The following NKAIN3 variants were observed in gnomAD, a reference collection of about 807,000 sequenced individuals.
NKAIN3 encodes the protein sodium/potassium-transporting ATPase subunit beta-1-interacting protein 3.
In NKAIN3, 25 loss-of-function variants were observed where a neutral mutation model predicts 30.2. The observed-to-expected ratio is 0.83, with a 90% CI of 0.60 to 1.16. The LOEUF is 1.16. Among genes scored for constraint, NKAIN3 ranks in the 50% most tolerant of loss-of-function variants. The pLI, the probability that NKAIN3 is intolerant of heterozygous loss-of-function variation, is 0.00. For synonymous variants in NKAIN3, 91 were observed against 89.6 expected (o/e 1.02, Z -0.09); for missense variants, 225 against 254.1 (o/e 0.89, Z 0.78).
intron 4 of NKAIN3, among the ~76,000 whole-genome samples, chr8:62,789,191 T>A (rs1817625518): frequency 6.6e-6 from 1 of 152,182 alleles, no homozygotes; most frequent in South Asian, 2.1e-4. Context: ...CATTTGTTTG[T>A]ATCCTCTTTT....
At chr8:62,407,160 G>GA (rs1025237168) in intron 1 of NKAIN3, among the ~76,000 whole-genome samples, 1 of 150,820 alleles carries the variant, frequency 6.6e-6, no homozygotes, top group African/African-American at 2.4e-5. Context: ...TATTAACAAA[G>GA]AAAAAAACTC....
At chr8:62,451,069 CT>C (rs1585822313) in intron 1 of NKAIN3, among the ~76,000 whole-genome samples, 1 of 152,016 alleles carries the variant, frequency 6.6e-6, no homozygotes, top group Non-Finnish European at 1.5e-5. Context: ...CTATAATTAT[CT>C]TTTTTATTAT....
At chr8:62,456,699 C>T (rs1805831398) in intron 1 of NKAIN3, among the ~76,000 whole-genome samples, 1 of 152,162 alleles carries the variant, frequency 6.6e-6, no homozygotes, top group Admixed American at 6.5e-5. Flanking sequence ...CCAGCTGTTG[C>T]TGTGAACTGA....
chr8:62,318,129 G>A lies in NKAIN3; in HGVS notation c.54+69002G>A, dbSNP rs142394066. Among the ~76,000 whole-genome samples, 878 of 152,278 alleles carry A rather than the reference G, an allele frequency of 5.8e-3. 5 individuals are homozygous for A. The highest frequency in any genetic ancestry group is 0.02 in the African/African-American group (826 of 41,538). On this transcript the variant is annotated intron_variant, in intron 1 of 6. Transcript: ENST00000623646. ...TTGTGATTTTTTGCACATTGATTTT[G>A]TATCCTGTGACTTTGCTGAAGTTGC...
At chr8:62,741,378 G>GGAAGGAAGGAAA (rs1256875072) in intron 3 of NKAIN3, among the ~76,000 whole-genome samples, 88 of 134,902 alleles carry the variant, frequency 6.5e-4, no homozygotes, top group African/African-American at 2.5e-3. Context: ...AAGGAAGGAA[G>GGAAGGAAGGAAA]GAAGGAAGGA....
At chr8:62,406,268 A>G (rs1804062070) in intron 1 of NKAIN3, among the ~76,000 whole-genome samples, 1 of 152,190 alleles carries the variant, frequency 6.6e-6, no homozygotes, top group Admixed American at 6.5e-5. Context: ...TATGCTTTCA[A>G]TGTCTTAAAA....
rs550479186 is a variant in NKAIN3 at position 62,467,898 on chromosome 8, A to G, written c.55-111641A>G. Among the ~76,000 whole-genome samples, 6 of 152,164 alleles carry G rather than the reference A, an allele frequency of 3.9e-5. No individual in the cohort carries two copies. In the South Asian group the frequency reaches 1.0e-3, roughly 26 times the overall value. ...ATCCTCCCACCTCAGCCTCTCAAGC[A>G]GCTGGGGACTGCAATTGCACACCAC... On this transcript the variant is annotated intron_variant, in intron 1 of 6. Transcript: ENST00000623646.
chr8:62,845,286 T>TATATATATATATATATA (rs1563589772), intron 4 of NKAIN3, among the ~76,000 whole-genome samples: 1 of 33,906 alleles, frequency 2.9e-5, no homozygotes, highest in Non-Finnish European at 5.9e-5. Flanking sequence ...GATAGTAGAT[T>TATATATATATATATATA]ATATATATAT....
intron 1 of NKAIN3, among the ~76,000 whole-genome samples, chr8:62,441,170 T>C (rs543369389): frequency 6.6e-6 from 1 of 152,278 alleles, no homozygotes; most frequent in East Asian, 1.9e-4. Flanking sequence ...CTAAGCTTTT[T>C]ATTATTTTTA....
intron 1 of NKAIN3, among the ~76,000 whole-genome samples, chr8:62,352,860 T>C (rs368647384): frequency 6.6e-6 from 1 of 152,236 alleles, no homozygotes; most frequent in African/African-American, 2.4e-5. Context: ...TAGGCAGTGA[T>C]TGGAAGAAAT....
chr8:62,522,907 A>G (rs1297188447), intron 1 of NKAIN3, among the ~76,000 whole-genome samples: 1 of 152,130 alleles, frequency 6.6e-6, no homozygotes, highest in Non-Finnish European at 1.5e-5. Context: ...AGGTTAACTT[A>G]TTACTGAAGA....
chr8:62,682,142 G>T (rs1356437230), intron 3 of NKAIN3, among the ~76,000 whole-genome samples: 1 of 152,108 alleles, frequency 6.6e-6, no homozygotes, highest in African/African-American at 2.4e-5. Context: ...CGGAGAGACA[G>T]CCCAAATACT....
chr8:62,654,087 G>A (rs189091769), intron 3 of NKAIN3, among the ~76,000 whole-genome samples: 3 of 151,922 alleles, frequency 2.0e-5, no homozygotes, highest in African/African-American at 7.2e-5. Context: ...AAAAGTCTAG[G>A]GGACTCCTAT....
intron 1 of NKAIN3, among the ~76,000 whole-genome samples, chr8:62,358,214 T>G: frequency 6.7e-6 from 1 of 149,306 alleles, no homozygotes; most frequent in Admixed American, 6.7e-5. Context: ...AGATTGAGAG[T>G]TGAAGCTAAT....
intron 3 of NKAIN3, among the ~76,000 whole-genome samples, chr8:62,693,628 T>G (rs1318313551): frequency 6.6e-6 from 1 of 152,178 alleles, no homozygotes; most frequent in Non-Finnish European, 1.5e-5. Context: ...AAACAAAATC[T>G]TATGTGGAAC....
intron 1 of NKAIN3, among the ~76,000 whole-genome samples, chr8:62,537,836 G>C (rs1199672179): frequency 2.0e-5 from 3 of 152,052 alleles, no homozygotes; most frequent in Non-Finnish European, 4.4e-5. Flanking sequence ...GAGCCACTTT[G>C]GTCAGGTTGC....
At chr8:62,293,077 C>T (rs1291034072) in intron 1 of NKAIN3, among the ~76,000 whole-genome samples, 1 of 152,082 alleles carries the variant, frequency 6.6e-6, no homozygotes, top group East Asian at 1.9e-4. Context: ...GTTTTCAGCT[C>T]CATCAGGTCA....
At chr8:62,694,933 T>C (rs1227700170) in intron 3 of NKAIN3, among the ~76,000 whole-genome samples, 1 of 152,144 alleles carries the variant, frequency 6.6e-6, no homozygotes. Context: ...TGGGAAAAAT[T>C]AGAGATCTTC....
chr8:62,263,467 G>C (rs1006952070), intron 1 of NKAIN3, among the ~76,000 whole-genome samples: 1 of 152,132 alleles, frequency 6.6e-6, no homozygotes, highest in African/African-American at 2.4e-5. Context: ...ACAGGCATCA[G>C]AATTACGCTG....
Sources: gnomAD v4.1 joint callset for allele counts (sites outside exome capture counted in the v4.1 genomes callset) on GRCh38, gnomAD v4.1.1 for gene constraint, MANE v1.5 for transcripts, NCBI Gene and HGNC (gene_info 2026-07-23, HGNC 2026-07-21) for gene names.